The following TYR variants were observed in gnomAD, a reference collection of about 807,000 sequenced individuals.
TYR encodes the protein tyrosinase, also known as LB24-AB.
In TYR, 58 loss-of-function variants were observed where a neutral mutation model predicts 51.5. That is an observed-to-expected ratio of 1.13 (90% CI 0.91 to 1.40). The LOEUF is 1.40. Ranked by LOEUF, TYR falls within the 40% of genes most tolerant of loss-of-function variation. TYR has a pLI of 0.00. For missense variants in TYR, 732 were observed against 647.4 expected (o/e 1.13, Z -1.42); for synonymous variants, 263 against 235.2 (o/e 1.12, Z -1.08).
chr11:89,180,118 A>G (rs2135243765), intron 1 of TYR, among the ~76,000 whole-genome samples: 1 of 152,288 alleles, frequency 6.6e-6, no homozygotes, highest in East Asian at 1.9e-4. Context: ...CTATTTACCA[A>G]ATGTAATGGG....
Position 89,227,975 on chromosome 11 carries a change from G to A in TYR, c.1184+5G>A, listed in dbSNP as rs1943998935. On this transcript the variant is annotated splice_donor_5th_base_variant and intron_variant, in intron 3 of 4. Coordinates refer to ENST00000263321, the MANE Select transcript of TYR (RefSeq NM_000372.5). ...TCACCATGCATTTGTTGACAGGTTG[G>A]TTAATATTTCTTTATAAATAACGTG... The A allele has an allele frequency of 1.2e-6, 2 of 1,612,790 alleles. No homozygotes were observed. The highest frequency in any genetic ancestry group is 2.2e-5 in the South Asian group (2 of 91,068).
intron 3 of TYR, among the ~76,000 whole-genome samples, chr11:89,260,796 G>C (rs1944447975): frequency 6.6e-6 from 1 of 152,114 alleles, no homozygotes; most frequent in Non-Finnish European, 1.5e-5. Context: ...ATAAAAATGA[G>C]AGCATGCTCC....
At chr11:89,192,325 A>C (rs1238526890) in intron 2 of TYR, among the ~76,000 whole-genome samples, 1 of 152,026 alleles carries the variant, frequency 6.6e-6, no homozygotes, top group African/African-American at 2.4e-5. Flanking sequence ...ACAAAAAAAA[A>C]CTCAATCAAG....
chr11:89,206,803 C>A (rs1943678056), intron 2 of TYR, among the ~76,000 whole-genome samples: 1 of 152,072 alleles, frequency 6.6e-6, no homozygotes, highest in South Asian at 2.1e-4. Flanking sequence ...CCAATGGAAT[C>A]AAACTAGAAA....
At chr11:89,187,786 A>G (rs1943394330) in intron 1 of TYR, among the ~76,000 whole-genome samples, 1 of 152,040 alleles carries the variant, frequency 6.6e-6, no homozygotes, top group Non-Finnish European at 1.5e-5. Context: ...AAGTTTTCAA[A>G]TGTCTTTGTG....
At chr11:89,276,602 C>G (rs2135318566) in intron 3 of TYR, among the ~76,000 whole-genome samples, 1 of 151,662 alleles carries the variant, frequency 6.6e-6, no homozygotes, top group Middle Eastern at 3.4e-3. Flanking sequence ...ATTGCTGCTT[C>G]TTGAGTATAA....
intron 3 of TYR, among the ~76,000 whole-genome samples, chr11:89,238,299 G>A (rs1350934823): frequency 6.6e-6 from 1 of 151,660 alleles, no homozygotes; most frequent in Admixed American, 6.6e-5. Flanking sequence ...ACAACTAATG[G>A]TATATATTTA....
At chr11:89,180,335 A>C (rs1448836014) in intron 1 of TYR, among the ~76,000 whole-genome samples, 1 of 152,188 alleles carries the variant, frequency 6.6e-6, no homozygotes, top group African/African-American at 2.4e-5. Context: ...CTTGACCCAG[A>C]AAGGTTGGAG....
chr11:89,186,626 G>A (rs144155483), intron 1 of TYR, among the ~76,000 whole-genome samples: 486 of 152,278 alleles, frequency 3.2e-3, no homozygotes, highest in African/African-American at 0.011. Flanking sequence ...TTGGTTCAGA[G>A]TAAAACAGAG....
At chr11:89,230,824 T>A (rs974281900) in intron 3 of TYR, among the ~76,000 whole-genome samples, 6 of 149,012 alleles carry the variant, frequency 4.0e-5, no homozygotes, top group Non-Finnish European at 7.4e-5. Context: ...AAAACCACAA[T>A]GAGATAATAT....
In TYR at chr11:89,224,221, A is replaced by G. The variant is rs912139153; in HGVS notation, c.1037-3602A>G. On this transcript the variant is annotated intron_variant, in intron 2 of 4. Transcript: ENST00000263321. ...TTGGTTAGCAGCAACTATTTACCACATGCAACATGATTATAGAAATACTAG... is the reference window on the plus strand; with the variant it reads ...TTGGTTAGCAGCAACTATTTACCACGTGCAACATGATTATAGAAATACTAG... Among the ~76,000 whole-genome samples the G allele has an allele frequency of 3.9e-5, 6 of 152,148 alleles. No homozygotes were observed. In the South Asian group the frequency reaches 6.2e-4, roughly 16 times the overall value.
At chr11:89,236,184 G>T (rs973564340) in intron 3 of TYR, among the ~76,000 whole-genome samples, 1 of 151,694 alleles carries the variant, frequency 6.6e-6, no homozygotes, top group African/African-American at 2.4e-5. Flanking sequence ...TGCAGAAAAA[G>T]TTTGGGGATC....
rs188248562 is a variant in TYR, at chr11:89,234,719, T to C, written c.1184+6749T>C. Among the ~76,000 whole-genome samples the C allele has an allele frequency of 5.2e-4, 55 of 106,132 alleles. 11 individuals carry two copies. Among genetic ancestry groups the C allele is most frequent in the African/African-American group, 2.6e-3 (55 of 21,022 alleles). 69.6% of individuals were successfully genotyped at this position (106,132 alleles called of 152,430 possible). ...CAGTGGGGCAGTTAGAACACATGCA[T>C]TTATTAATTAAAGTCACCTTTTTAA... is the stretch of plus-strand genomic sequence containing the variant. On this transcript the variant is annotated intron_variant, in intron 3 of 4. Transcript: ENST00000263321.
At chr11:89,190,932 G>C (rs1943434899) in intron 1 of TYR, among the ~76,000 whole-genome samples, 1 of 152,102 alleles carries the variant, frequency 6.6e-6, no homozygotes, top group Non-Finnish European at 1.5e-5. Flanking sequence ...TTGTAGCCTA[G>C]GAGCAGTAGG....
intron 2 of TYR, among the ~76,000 whole-genome samples, chr11:89,215,560 G>A (rs997696983): frequency 6.6e-6 from 1 of 152,064 alleles, no homozygotes; most frequent in African/African-American, 2.4e-5. Context: ...CTTTGGCAAA[G>A]AATAAATGGC....
intron 3 of TYR, among the ~76,000 whole-genome samples, chr11:89,256,359 C>A (rs1365921746): frequency 6.6e-6 from 1 of 151,454 alleles, no homozygotes; most frequent in Admixed American, 6.6e-5. Flanking sequence ...TTTTTCTTAA[C>A]TTTGTATTAA....
At chr11:89,291,463 G>C (rs914961443) in intron 4 of TYR, among the ~76,000 whole-genome samples, 2 of 151,666 alleles carry the variant, frequency 1.3e-5, no homozygotes, top group African/African-American at 2.4e-5. Flanking sequence ...CTTTCTAATT[G>C]TATCAGTAAA....
intron 3 of TYR, among the ~76,000 whole-genome samples, chr11:89,231,029 T>C (rs748610176): frequency 6.6e-5 from 10 of 151,370 alleles, no homozygotes; most frequent in South Asian, 2.1e-4. Context: ...AAATTAGCCA[T>C]GGGTGGTGGC....
At chr11:89,291,630 TTTAA>T (rs1346596840) in intron 4 of TYR, among the ~76,000 whole-genome samples, 1 of 152,120 alleles carries the variant, frequency 6.6e-6, no homozygotes, top group Non-Finnish European at 1.5e-5. Flanking sequence ...AAGCATATCT[TTTAA>T]TTAATTTTGT....
Sources: allele counts gnomAD v4.1 joint callset (sites outside exome capture counted in the v4.1 genomes callset), GRCh38; gene constraint gnomAD v4.1.1; transcripts MANE v1.5; gene names NCBI Gene and HGNC (gene_info 2026-07-23, HGNC 2026-07-21).